The following SGCZ variants were observed in gnomAD, a reference collection of about 807,000 sequenced individuals.
The protein encoded by SGCZ is zeta-sarcoglycan.
A neutral mutation model predicts 41.3 loss-of-function variants in SGCZ; 40 were observed. The observed-to-expected ratio is 0.97, with a 90% CI of 0.75 to 1.26. The LOEUF is 1.26. SGCZ is among the 50% of genes most tolerant of loss of function. The pLI is 0.00. For missense variants in SGCZ, 552 were observed against 369.8 expected (o/e 1.49, Z -4.04); for synonymous variants, 206 against 137.5 (o/e 1.50, Z -3.49).
At chr8:14,960,075 G>T (rs1408900184) in intron 1 of SGCZ, among the ~76,000 whole-genome samples, 2 of 152,214 alleles carry the variant, frequency 1.3e-5, no homozygotes, top group East Asian at 3.9e-4. Context: ...AGATTATAAA[G>T]GTGAAGACTG....
intron 1 of SGCZ, among the ~76,000 whole-genome samples, chr8:14,899,832 T>A (rs1798901956): frequency 1.4e-5 from 2 of 143,312 alleles, no homozygotes; most frequent in African/African-American, 2.6e-5. Flanking sequence ...AGGGAGGAAG[T>A]GAGAGAGGAA....
At chr8:14,777,535 T>C (rs1800445026) in intron 1 of SGCZ, among the ~76,000 whole-genome samples, 1 of 152,202 alleles carries the variant, frequency 6.6e-6, no homozygotes, top group Non-Finnish European at 1.5e-5. Context: ...AGACTGTATA[T>C]TGCTTTTAGT....
chr8:14,999,334 A>G (rs754899392), intron 1 of SGCZ, among the ~76,000 whole-genome samples: 5 of 152,232 alleles, frequency 3.3e-5, no homozygotes, highest in Non-Finnish European at 7.3e-5. Context: ...ATTCTAGCCC[A>G]TAGGATTATA....
At chr8:14,922,454 T>C (rs1264614993) in intron 1 of SGCZ, among the ~76,000 whole-genome samples, 1 of 152,166 alleles carries the variant, frequency 6.6e-6, no homozygotes, top group Non-Finnish European at 1.5e-5. Flanking sequence ...TTGTATTTTT[T>C]ATTTATTGTT....
At chr8:15,151,697 TTAA>T (rs1799184353) in intron 1 of SGCZ, among the ~76,000 whole-genome samples, 1 of 152,190 alleles carries the variant, frequency 6.6e-6, no homozygotes, top group African/African-American at 2.4e-5. Flanking sequence ...AATGACACAG[TTAA>T]TAATATTTCA....
chr8:15,070,713 C>T (rs1289778554), intron 1 of SGCZ, among the ~76,000 whole-genome samples: 2 of 152,290 alleles, frequency 1.3e-5, no homozygotes, highest in Middle Eastern at 3.4e-3. Context: ...TAACATTTTA[C>T]AAGCTTTACA....
At chr8:14,659,259 A>G (rs1367554674) in intron 1 of SGCZ, among the ~76,000 whole-genome samples, 1 of 152,146 alleles carries the variant, frequency 6.6e-6, no homozygotes, top group Non-Finnish European at 1.5e-5. Flanking sequence ...ACCGCCAGAG[A>G]TGATAAATGC....
At chr8:14,646,178 G>C (rs943115437) in intron 1 of SGCZ, among the ~76,000 whole-genome samples, 13 of 151,876 alleles carry the variant, frequency 8.6e-5, no homozygotes, top group Non-Finnish European at 2.9e-5. Flanking sequence ...GTACCCACAA[G>C]TAGTTTTTCA....
chr8:14,502,058 G>A (rs1563370900), intron 2 of SGCZ, among the ~76,000 whole-genome samples: 1 of 151,954 alleles, frequency 6.6e-6, no homozygotes, highest in African/African-American at 2.4e-5. Context: ...TCTAATAAGT[G>A]GTAACAAATT....
At chr8:14,262,797 A>T (rs1020007125) in intron 3 of SGCZ, among the ~76,000 whole-genome samples, 1 of 151,054 alleles carries the variant, frequency 6.6e-6, no homozygotes, top group African/African-American at 2.4e-5. Context: ...CCAGTCAAAC[A>T]AAGTTTCAAG....
intron 1 of SGCZ, among the ~76,000 whole-genome samples, chr8:15,107,858 T>G (rs1214117625): frequency 2.0e-5 from 3 of 152,202 alleles, no homozygotes; most frequent in Non-Finnish European, 4.4e-5. Context: ...GAGATCAATT[T>G]TGGAGATTTG....
intron 1 of SGCZ, among the ~76,000 whole-genome samples, chr8:14,988,910 A>AG (rs1046106807): frequency 4.7e-4 from 71 of 152,140 alleles, no homozygotes; most frequent in Admixed American, 2.2e-3. Context: ...ATTTGTGGGG[A>AG]GGGGGGGCAT....
At chr8:14,869,963 A>G (rs182643587) in intron 1 of SGCZ, among the ~76,000 whole-genome samples, 116 of 152,346 alleles carry the variant, frequency 7.6e-4, no homozygotes, top group African/African-American at 2.7e-3. Context: ...TTCCATGCTC[A>G]TGGATAGGAA....
At chr8:15,026,703 T>C (rs914089549) in intron 1 of SGCZ, among the ~76,000 whole-genome samples, 9 of 152,200 alleles carry the variant, frequency 5.9e-5, no homozygotes, top group Admixed American at 4.6e-4. Flanking sequence ...CTGTGTGTGC[T>C]TCAGTTATTG....
At chr8:14,846,551 T>C (rs1803109642) in intron 1 of SGCZ, among the ~76,000 whole-genome samples, 1 of 152,036 alleles carries the variant, frequency 6.6e-6, no homozygotes, top group African/African-American at 2.4e-5. Context: ...AACAACTTTA[T>C]ACCAATATGT....
At chr8:14,275,991 TC>T (rs1193130127) in intron 3 of SGCZ, among the ~76,000 whole-genome samples, 1 of 152,216 alleles carries the variant, frequency 6.6e-6, no homozygotes, top group Non-Finnish European at 1.5e-5. Flanking sequence ...TCACAGTGTC[TC>T]CCAAGTCCTA....
chr8:15,235,991 C>T (rs1802106055), intron 1 of SGCZ, among the ~76,000 whole-genome samples: 1 of 152,168 alleles, frequency 6.6e-6, no homozygotes, highest in African/African-American at 2.4e-5. Context: ...CGGAGTAGAG[C>T]AGAGAGATAA....
rs371650406 is a variant in SGCZ at position 14,431,558 on chromosome 8, T to G, written c.235-107354A>C. Among the ~76,000 whole-genome samples, 12 of 152,256 alleles carry G rather than the reference T, an allele frequency of 7.9e-5. No homozygotes were observed. The East Asian group carries it at 2.3e-3, about 29-fold the overall frequency. On this transcript the variant is annotated intron_variant, in intron 2 of 7. Transcript: ENST00000382080. ...ATCAACTCAAGATGGATCAAGAACT[T>G]CCATCTAAGACTTGAAACTATAAAA...
intron 1 of SGCZ, among the ~76,000 whole-genome samples, chr8:14,958,326 A>G (rs3848996): frequency 0.093 from 14,135 of 152,114 alleles, 901 homozygotes; most frequent in African/African-American, 0.17. Context: ...AAATTCCCCA[A>G]AAACAGAAAC....
Sources: gnomAD v4.1 joint callset for allele counts (sites outside exome capture counted in the v4.1 genomes callset) on GRCh38, gnomAD v4.1.1 for gene constraint, MANE v1.5 for transcripts, NCBI Gene and HGNC (gene_info 2026-07-23, HGNC 2026-07-21) for gene names.